Variants in LDB2 observed in about 807,000 individuals in gnomAD.
LDB2 encodes LIM domain binding 2.
A neutral mutation model predicts 44.3 loss-of-function variants in LDB2; 12 were observed. That is an observed-to-expected ratio of 0.27 (90% confidence interval 0.17 to 0.44). LDB2 has a LOEUF of 0.44. LDB2 is among the 20% of genes least tolerant of loss of function. The pLI, the probability that LDB2 is intolerant of heterozygous loss-of-function variation, is 1.00. For missense variants in LDB2, 344 were observed against 473.5 expected (o/e 0.73, Z 2.54); for synonymous variants, 164 against 174.8 (o/e 0.94, Z 0.49).
chr4:16,584,972 A>G (rs958286003), intron 5 of LDB2, among the ~76,000 whole-genome samples: 4 of 152,214 alleles, frequency 2.6e-5, no homozygotes. Flanking sequence ...GAGGACACAC[A>G]GTGTGGGACT....
intron 5 of LDB2, among the ~76,000 whole-genome samples, chr4:16,584,500 G>C (rs551120653): frequency 6.6e-6 from 1 of 152,258 alleles, no homozygotes; most frequent in East Asian, 1.9e-4. Context: ...GAAACCCTCG[G>C]TGCCTCACTT....
intron 5 of LDB2, among the ~76,000 whole-genome samples, chr4:16,514,578 CT>C (rs1176925133): frequency 5.9e-5 from 9 of 152,204 alleles, no homozygotes; most frequent in Admixed American, 5.9e-4. Context: ...GTACCTATTA[CT>C]GACCTAAGCT....
intron 1 of LDB2, among the ~76,000 whole-genome samples, chr4:16,854,504 T>TACACACAC (rs61445499): frequency 0.022 from 3,180 of 145,236 alleles, 46 homozygotes; most frequent in Middle Eastern, 0.046. Context: ...TAAATATAAA[T>TACACACAC]ACACACACAC....
At chr4:16,521,509 C>A (rs1252642044) in intron 5 of LDB2, among the ~76,000 whole-genome samples, 3 of 152,208 alleles carry the variant, frequency 2.0e-5, no homozygotes, top group Admixed American at 6.5e-5. Context: ...AGACTCTACT[C>A]CCAAATAAGG....
In LDB2 at chr4:16,672,231, G is replaced by A. The variant is rs1002879268; in HGVS notation, c.236-76356C>T. 5.9e-5 allele frequency among the ~76,000 whole-genome samples: 9 copies of A among 152,314 alleles called. 1 individual carries two copies. Among genetic ancestry groups the A allele is most frequent in the Middle Eastern group, 3.4e-3 (1 of 294 alleles). ...ACCAACTCACTGAAGGTCACACAGC[G>A]TGTGAGTGGCAGAAATCTATTAGAA... On this transcript the variant is annotated intron_variant, in intron 2 of 7. Transcript: ENST00000304523.
intron 2 of LDB2, among the ~76,000 whole-genome samples, chr4:16,704,111 T>A (rs1754091722): frequency 6.6e-6 from 1 of 152,190 alleles, no homozygotes. Context: ...AAAAAGGCAC[T>A]CATTCATTCT....
At chr4:16,553,959 T>C (rs891139479) in intron 5 of LDB2, among the ~76,000 whole-genome samples, 3 of 152,116 alleles carry the variant, frequency 2.0e-5, no homozygotes, top group Non-Finnish European at 2.9e-5. Context: ...TGTCTGGATA[T>C]GACACCACCA....
Position 16,624,223 on chromosome 4 carries a change from C to T in LDB2, c.236-28348G>A, listed in dbSNP as rs142577563. ...TGTTACACAGTGTAGCATCCCGTAA[C>T]ACCATCTTAAACCTCAAAACTGCAC... On this transcript the variant is annotated intron_variant, in intron 2 of 7. Transcript: ENST00000304523. 3.3e-5 allele frequency among the ~76,000 whole-genome samples: 5 copies of T among 152,204 alleles called. No individual in the cohort carries two copies. In the East Asian group the frequency reaches 9.7e-4, roughly 29 times the overall value.
intron 1 of LDB2, among the ~76,000 whole-genome samples, chr4:16,769,750 G>T (rs1236929748): frequency 6.6e-6 from 1 of 151,632 alleles, no homozygotes; most frequent in African/African-American, 2.4e-5. Flanking sequence ...ATTATAAAAC[G>T]GCATACTACC....
chr4:16,625,669 A>G (rs1295216292), intron 2 of LDB2, among the ~76,000 whole-genome samples: 6 of 152,210 alleles, frequency 3.9e-5, no homozygotes, highest in African/African-American at 1.4e-4. Context: ...GAATACTGGG[A>G]AGGGTTCTTG....
At chr4:16,835,810 G>C (rs1784800288) in intron 1 of LDB2, among the ~76,000 whole-genome samples, 1 of 152,156 alleles carries the variant, frequency 6.6e-6, no homozygotes, top group South Asian at 2.1e-4. Context: ...GTGATGTTTT[G>C]TTTTGAGGTA....
chr4:16,817,877 A>T (rs188316430), intron 1 of LDB2, among the ~76,000 whole-genome samples: 297 of 152,280 alleles, frequency 2.0e-3, no homozygotes, highest in Middle Eastern at 3.4e-3. Context: ...TATTTGTAAC[A>T]ACTTGAGTGT....
chr4:16,681,792 G>C lies in LDB2; in HGVS notation c.235+77366C>G, dbSNP rs570453048. On this transcript the variant is annotated intron_variant, in intron 2 of 7. Transcript: ENST00000304523. ...TTCACCGTGTTAGCCAGGATGGTCT[G>C]GATCTTCTGACCTCGTGATCTGCCC... Among the ~76,000 whole-genome samples the C allele has an allele frequency of 6.5e-3, 992 of 151,824 alleles. 5 individuals are homozygous for C. The highest frequency in any genetic ancestry group is 0.01 in the Middle Eastern group (3 of 294).
At chr4:16,711,637 A>G (rs77194442) in intron 2 of LDB2, among the ~76,000 whole-genome samples, 2,928 of 152,328 alleles carry the variant, frequency 0.019, 39 homozygotes, top group Non-Finnish European at 0.028. Context: ...GGGACCAGTT[A>G]GGATGATGGG....
At chr4:16,870,391 AG>A (rs917087140) in intron 1 of LDB2, among the ~76,000 whole-genome samples, 1 of 152,144 alleles carries the variant, frequency 6.6e-6, no homozygotes, top group Non-Finnish European at 1.5e-5. Context: ...GGTGGCCAGA[AG>A]GGGAAGTGGC....
At chr4:16,881,108 G>A (rs558200892) in intron 1 of LDB2, among the ~76,000 whole-genome samples, 11 of 152,200 alleles carry the variant, frequency 7.2e-5, no homozygotes, top group African/African-American at 1.9e-4. Context: ...CTTTGAATGC[G>A]TCTCACAGTG....
chr4:16,723,075 G>A (rs1234126154), intron 2 of LDB2, among the ~76,000 whole-genome samples: 1 of 152,154 alleles, frequency 6.6e-6, no homozygotes, highest in East Asian at 1.9e-4. Flanking sequence ...AGGAGCATCT[G>A]TACTGTGTTT....
At chr4:16,766,676 T>C (rs1290149876) in intron 1 of LDB2, among the ~76,000 whole-genome samples, 1 of 151,796 alleles carries the variant, frequency 6.6e-6, no homozygotes, top group Non-Finnish European at 1.5e-5. Flanking sequence ...CAGCTAATTT[T>C]TGTATTTTTA....
intron 1 of LDB2, among the ~76,000 whole-genome samples, chr4:16,860,994 C>G (rs1712357308): frequency 1.3e-5 from 2 of 152,122 alleles, no homozygotes; most frequent in African/African-American, 4.8e-5. Context: ...CTTAAATATA[C>G]TAGGCATGAT....
Sources: gnomAD v4.1 joint callset for allele counts (sites outside exome capture counted in the v4.1 genomes callset) on GRCh38, gnomAD v4.1.1 for gene constraint, MANE v1.5 for transcripts, NCBI Gene and HGNC (gene_info 2026-07-23, HGNC 2026-07-21) for gene names.